TMEM248: variants seen among roughly 807,000 people sequenced by gnomAD.
TMEM248 encodes UPF0458 protein C7orf42.
Under a neutral mutation model 30.3 loss-of-function variants are expected in TMEM248, and 9 were observed. The ratio of observed to expected loss-of-function variants is 0.30; its 90% CI spans 0.18 to 0.52. TMEM248 has a LOEUF of 0.52. Among genes scored for constraint, TMEM248 ranks in the 20% least tolerant of loss-of-function variants. TMEM248 has a pLI of 0.97. For missense variants in TMEM248, 338 were observed against 403.3 expected (o/e 0.84, Z 1.39); for synonymous variants, 184 against 154.4 (o/e 1.19, Z -1.42).
At chr7:66,922,452 G>T (rs2129219328) in intron 1 of TMEM248, among the ~76,000 whole-genome samples, 1 of 152,204 alleles carries the variant, frequency 6.6e-6, no homozygotes, top group East Asian at 1.9e-4. Context: ...ATTCTGACAG[G>T]AAATAGACCT....
intron 5 of TMEM248, 30 bp downstream of exon 5, chr7:66,951,165 TGC>T: frequency 2.6e-6 from 4 of 1,532,000 alleles, no homozygotes; most frequent in Non-Finnish European, 3.5e-6. Flanking sequence ...TGTGTGTGTG[TGC>T]GTGCATGCAT....
rs748286291 is a variant in TMEM248 at position 66,953,378 on chromosome 7, T to C, written c.924+9T>C. 1 of 1,613,530 alleles carries C rather than the reference T, an allele frequency of 6.2e-7. No individual in the cohort carries two copies. The highest frequency in any genetic ancestry group is 8.5e-7 in the Non-Finnish European group (1 of 1,179,576). ...AATTTTGTCCCGAGAAGGTGAGCGG[T>C]GGATGGGGTCCGGGCCAGCATTTTA... On this transcript the variant is annotated intron_variant, in intron 6 of 6. Coordinates refer to ENST00000341567, the MANE Select transcript of TMEM248 (RefSeq NM_017994.5).
chr7:66,945,647 A>G lies in TMEM248; in HGVS notation c.445+386A>G, dbSNP rs543232374. On this transcript the variant is annotated intron_variant, in intron 3 of 6. Transcript: ENST00000341567. Reference sequence around the variant, plus strand: ...CTGGCACTGTGCTAAGCTGCTGGGAAGAACTAGAAAATGACTAAGATGGCT... The same window carrying G: ...CTGGCACTGTGCTAAGCTGCTGGGAGGAACTAGAAAATGACTAAGATGGCT... Among the ~76,000 whole-genome samples, 4 of 152,310 alleles carry G rather than the reference A, an allele frequency of 2.6e-5. No homozygotes were observed. The South Asian group carries it at 8.3e-4, about 32-fold the overall frequency.
Position 66,944,075 on chromosome 7 carries a change from G to A in TMEM248, c.160-901G>A, listed in dbSNP as rs1250759224. On this transcript the variant is annotated intron_variant, in intron 2 of 6. Coordinates refer to ENST00000341567, the MANE Select transcript of TMEM248 (RefSeq NM_017994.5). Reference sequence around the variant, plus strand: ...CTCCCAAAGTGCTGGGATTACAGGCGTGAACTACCGTACCTGGCCTCAGAT... The same window carrying A: ...CTCCCAAAGTGCTGGGATTACAGGCATGAACTACCGTACCTGGCCTCAGAT... 2.0e-5 allele frequency among the ~76,000 whole-genome samples: 3 copies of A among 149,410 alleles called. No individual in the cohort carries two copies. The East Asian group carries it at 5.9e-4, about 29-fold the overall frequency.
intron 1 of TMEM248, among the ~76,000 whole-genome samples, chr7:66,939,088 A>G (rs1197252216): frequency 6.6e-6 from 1 of 152,230 alleles, no homozygotes; most frequent in Non-Finnish European, 1.5e-5. Flanking sequence ...ATCATTTCAC[A>G]TCTGTCTTTT....
intron 3 of TMEM248, among the ~76,000 whole-genome samples, chr7:66,947,863 A>G (rs1349214071): frequency 2.0e-5 from 3 of 152,058 alleles, no homozygotes; most frequent in Non-Finnish European, 4.4e-5. Flanking sequence ...CCTGGGCTCA[A>G]GTGATCCTCC....
intron 5 of TMEM248, among the ~76,000 whole-genome samples, chr7:66,951,937 C>T (rs1304611767): frequency 1.3e-5 from 2 of 152,102 alleles, no homozygotes; most frequent in African/African-American, 4.8e-5. Context: ...TCTGGGATGA[C>T]AGGTATGAGC....
intron 2 of TMEM248, among the ~76,000 whole-genome samples, chr7:66,942,693 G>A (rs554847688): frequency 2.3e-4 from 35 of 152,006 alleles, no homozygotes; most frequent in South Asian, 6.2e-4. Flanking sequence ...ACGGGGTTTC[G>A]CCACGTTGGC....
In TMEM248 at chr7:66,932,642, A is replaced by G. The variant is rs576470304; in HGVS notation, c.-18-9206A>G. On this transcript the variant is annotated intron_variant, in intron 1 of 6. Transcript: ENST00000341567. ...GCAATTCTCCTGTCTCAGCCTCCCA[A>G]TAGCTGGGATTACAGGCGCACGCTG... Among the ~76,000 whole-genome samples, 7 of 145,912 alleles carry G rather than the reference A, an allele frequency of 4.8e-5. 1 individual carries two copies. Among genetic ancestry groups the G allele is most frequent in the Admixed American group, 1.4e-4 (2 of 14,400 alleles).
At chr7:66,944,598 A>C (rs892246443) in intron 2 of TMEM248, among the ~76,000 whole-genome samples, 1 of 152,214 alleles carries the variant, frequency 6.6e-6, no homozygotes, top group African/African-American at 2.4e-5. Context: ...TAGTTGCAAA[A>C]TGAGTTTGGA....
At position 66,950,310 on chromosome 7, in the gene TMEM248, G is replaced by A. The variant is rs188009814; in HGVS notation, c.597-642G>A. Among the ~76,000 whole-genome samples the A allele has an allele frequency of 3.9e-5, 6 of 152,248 alleles. No homozygotes were observed. The East Asian group carries it at 1.2e-3, about 29-fold the overall frequency. ...CATAATCCTCATGTGTCATGGGAGG[G>A]ACCCAGTGGGAGGTAATTGAATCCT... On this transcript the variant is annotated intron_variant, in intron 4 of 6. Coordinates refer to ENST00000341567, the MANE Select transcript of TMEM248 (RefSeq NM_017994.5).
chr7:66,954,472 T>A (rs1012317392), intron 6 of TMEM248, among the ~76,000 whole-genome samples: 1 of 149,728 alleles, frequency 6.7e-6, no homozygotes, highest in Non-Finnish European at 1.5e-5. Context: ...GACTCAATCA[T>A]AGTTCACTGC....
chr7:66,926,192 G>GTGTCCCT (rs1791520505), intron 1 of TMEM248, among the ~76,000 whole-genome samples: 1 of 152,112 alleles, frequency 6.6e-6, no homozygotes, highest in African/African-American at 2.4e-5. Context: ...ACATCTGTTC[G>GTGTCCCT]TGTCCCTTGC....
intron 3 of TMEM248, among the ~76,000 whole-genome samples, chr7:66,946,423 C>CA (rs1243630073): frequency 4.0e-5 from 6 of 149,904 alleles, no homozygotes; most frequent in Non-Finnish European, 7.4e-5. Flanking sequence ...ACTAAAAATG[C>CA]AAAAAAATTA....
intron 5 of TMEM248, 57 bp downstream of exon 5, chr7:66,951,192 G>A (rs930067129): frequency 8.3e-6 from 12 of 1,445,444 alleles, no homozygotes; most frequent in South Asian, 3.0e-5. Flanking sequence ...ACATGTGTGC[G>A]CATGTGCTGC....
At chr7:66,943,864 C>T (rs887341966) in intron 2 of TMEM248, among the ~76,000 whole-genome samples, 11 of 151,650 alleles carry the variant, frequency 7.3e-5, no homozygotes, top group African/African-American at 2.7e-4. Flanking sequence ...GTGGCGCGAT[C>T]TTGGCTCACT....
chr7:66,923,896 C>T (rs1055134983), intron 1 of TMEM248, among the ~76,000 whole-genome samples: 1 of 152,122 alleles, frequency 6.6e-6, no homozygotes, highest in Non-Finnish European at 1.5e-5. Flanking sequence ...AAACCCTTGA[C>T]GTCAAGTGAT....
intron 1 of TMEM248, chr7:66,930,758 T>A (rs1791642474): frequency 6.6e-6 from 1 of 152,634 alleles, no homozygotes; most frequent in Non-Finnish European, 1.5e-5. Context: ...TGGCATCGCA[T>A]CGATGACTGT....
intron 1 of TMEM248, among the ~76,000 whole-genome samples, chr7:66,927,952 C>T (rs1791567025): frequency 6.6e-6 from 1 of 152,148 alleles, no homozygotes; most frequent in South Asian, 2.1e-4. Context: ...CGGTAGCTCA[C>T]ACCTGTAATC....
Sources: allele counts gnomAD v4.1 joint callset (sites outside exome capture counted in the v4.1 genomes callset), GRCh38; gene constraint gnomAD v4.1.1; transcripts MANE v1.5; gene names NCBI Gene and HGNC (gene_info 2026-07-23, HGNC 2026-07-21).